The following SYF2 variants were observed in gnomAD, a reference collection of about 807,000 sequenced individuals.
SYF2 encodes pre-mRNA-splicing factor SYF2.
A neutral mutation model predicts 32.7 loss-of-function variants in SYF2; 21 were observed. The ratio of observed to expected loss-of-function variants is 0.64; its 90% CI spans 0.45 to 0.92. The LOEUF (loss-of-function observed/expected upper bound fraction) is 0.92, where lower values mean the gene tolerates loss of function less well. Ranked by LOEUF, SYF2 falls within the 40% of genes least tolerant of loss-of-function variation. The pLI is 0.00. For missense variants in SYF2, 278 were observed against 296.5 expected (o/e 0.94, Z 0.46); for synonymous variants, 114 against 103.9 (o/e 1.10, Z -0.59).
intron 3 of SYF2, 75 bp from the exon 4 acceptor site, chr1:25,228,310 A>G: frequency 8.3e-7 from 1 of 1,209,508 alleles, no homozygotes; most frequent in Admixed American, 2.0e-5. Flanking sequence ...ATCAAGAAAG[A>G]TCCAATAAAT....
chr1:25,222,323 T>C lies in SYF2; in HGVS notation c.*943A>G, dbSNP rs1638423830. ...AACATAGAGAAAAAATAACAACCTT[T>C]CCCTCTGGAGTTTTATAAAAATAAA... On this transcript the variant is annotated 3_prime_UTR_variant, in exon 7 of 7. Transcript: ENST00000236273. Among the ~76,000 whole-genome samples the C allele has an allele frequency of 6.6e-6, 1 of 152,138 alleles. No homozygotes were observed. Among genetic ancestry groups the C allele is most frequent in the Non-Finnish European group, 1.5e-5 (1 of 68,026 alleles).
intron 2 of SYF2, among the ~76,000 whole-genome samples, chr1:25,229,511 A>G (rs1274266644): frequency 1.3e-5 from 2 of 152,196 alleles, no homozygotes; most frequent in Non-Finnish European, 2.9e-5. Context: ...GCAGTGGATC[A>G]CGCTTGTAAT....
At chr1:25,227,051 G>A (rs760466306) in intron 5 of SYF2, among the ~76,000 whole-genome samples, 22 of 152,076 alleles carry the variant, frequency 1.4e-4, no homozygotes, top group Non-Finnish European at 7.4e-5. Context: ...GGGAGGCTGA[G>A]GTGGACGGAT....
In SYF2 at chr1:25,224,992, G is replaced by C. The variant is rs908149284; in HGVS notation, c.566+10C>G. ...ATTTACAACGTCAAGCTGCTCTACTGAATACTTACTGTTTTTCCAGATCTA... is the reference window on the plus strand; with the variant it reads ...ATTTACAACGTCAAGCTGCTCTACTCAATACTTACTGTTTTTCCAGATCTA... On this transcript the variant is annotated intron_variant, in intron 6 of 6. Transcript: ENST00000236273. The C allele has an allele frequency of 1.3e-6, 2 of 1,593,336 alleles. No individual in the cohort carries two copies. Among genetic ancestry groups the C allele is most frequent in the African/African-American group, 2.7e-5 (2 of 74,486 alleles).
chr1:25,231,803 G>T, intron 2 of SYF2: 1 of 466,896 alleles, frequency 2.1e-6, no homozygotes, highest in East Asian at 4.1e-5. Flanking sequence ...GTAAAATGAA[G>T]AATTTGTTGG....
chr1:25,224,976 G>A lies in SYF2; in HGVS notation c.566+26C>T, dbSNP rs143169706. 4.2e-5 allele frequency: 63 copies of A among 1,511,840 alleles called. No homozygotes were observed. In the East Asian group the frequency reaches 1.1e-3, roughly 28 times the overall value. 93.7% of individuals were successfully genotyped at this position (1,511,840 alleles called of 1,614,324 possible). A position where few individuals can be genotyped will look rare whatever the true frequency, so the allele number is the denominator to read the frequency against. ...CATTTTGTCATGAAGTATTTACAACGTCAAGCTGCTCTACTGAATACTTAC... is the reference window on the plus strand; with the variant it reads ...CATTTTGTCATGAAGTATTTACAACATCAAGCTGCTCTACTGAATACTTAC... On this transcript the variant is annotated intron_variant, in intron 6 of 6. Coordinates refer to ENST00000236273, the MANE Select transcript of SYF2 (RefSeq NM_015484.5).
chr1:25,224,743 A>AT (rs373480728), intron 6 of SYF2, among the ~76,000 whole-genome samples: 5 of 152,082 alleles, frequency 3.3e-5, no homozygotes, highest in South Asian at 2.1e-4. Context: ...AAGAAGGATC[A>AT]TTTTTTTTAG....
intron 2 of SYF2, chr1:25,231,767 G>C (rs1397556085): frequency 2.9e-6 from 1 of 344,602 alleles, no homozygotes; most frequent in African/African-American, 2.1e-5. Flanking sequence ...GTTTCTTCCT[G>C]TCTCTAGCTC....
In SYF2 at chr1:25,227,457, C is replaced by A. The variant is rs2124511382; in HGVS notation, c.452G>T (p.Arg151Ile). ...AAGGACTTACTGTTTTTCTCTCAGT[C>A]TCTCATATGTTTCCATGTCAGGTTT... ...QIKPDMETYERLREKHGEEFF... is the reference protein window; with the variant it reads ...QIKPDMETYEILREKHGEEFF... The change falls in exon 5 of 7, where the codon AGA becomes ATA. Residue 151 changes from arginine to isoleucine, a missense_variant. Physicochemically the swap from Arg to Ile is moderately conservative, Grantham distance 97. Transcript: ENST00000236273. The A allele has an allele frequency of 6.2e-7, 1 of 1,613,512 alleles. No homozygotes were observed.
Position 25,232,472 on chromosome 1 carries a change from A to T in SYF2, c.-5T>A. On this transcript the variant is annotated 5_prime_UTR_variant, in exon 1 of 7. It adds an upstream start codon to the 5' untranslated region. Coordinates refer to ENST00000236273, the MANE Select transcript of SYF2 (RefSeq NM_015484.5). ...GGATGCAGCTATAGCCGCCATCACA[A>T]CCTTTCTCTCTTCCCACTTCCGGCA... The T allele has an allele frequency of 6.2e-7, 1 of 1,614,012 alleles. No individual in the cohort carries two copies. Among genetic ancestry groups the T allele is most frequent in the South Asian group, 1.1e-5 (1 of 91,078 alleles).
rs1571486031 is a variant in SYF2 at position 25,223,076 on chromosome 1, A to C, written c.*190T>G. 2 of 477,628 alleles carry C rather than the reference A, an allele frequency of 4.2e-6. No individual in the cohort carries two copies. Among genetic ancestry groups the C allele is most frequent in the East Asian group, 6.5e-5 (2 of 30,968 alleles). 29.6% of individuals were successfully genotyped at this position (477,628 alleles called of 1,614,324 possible). On this transcript the variant is annotated 3_prime_UTR_variant, in exon 7 of 7. Coordinates refer to ENST00000236273, the MANE Select transcript of SYF2 (RefSeq NM_015484.5). ...CTACAAGAAATACATCTTATATCCAAGCACAAAAATGTGGAAATATACATG... is the reference window on the plus strand; with the variant it reads ...CTACAAGAAATACATCTTATATCCACGCACAAAAATGTGGAAATATACATG...
chr1:25,225,405 G>A (rs1638488640), intron 5 of SYF2, among the ~76,000 whole-genome samples: 1 of 151,970 alleles, frequency 6.6e-6, no homozygotes, highest in Non-Finnish European at 1.5e-5. Flanking sequence ...ACACACACCT[G>A]TAGTCCCAGC....
At chr1:25,229,264 A>T (rs1244018353) in intron 2 of SYF2, 141 bp from the exon 3 acceptor site, 1 of 1,038,284 alleles carries the variant, frequency 9.6e-7, no homozygotes, top group Non-Finnish European at 1.4e-6. Flanking sequence ...GAGCCATCAC[A>T]GGATTTTAAG....
intron 2 of SYF2, chr1:25,230,435 T>C (rs2124513533): frequency 6.6e-6 from 1 of 152,308 alleles, no homozygotes; most frequent in East Asian, 1.9e-4. Context: ...TGGCAGTTTG[T>C]CCAGGAAGCC....
chr1:25,223,640 C>T (rs1289169373), intron 6 of SYF2, among the ~76,000 whole-genome samples: 2 of 152,134 alleles, frequency 1.3e-5, no homozygotes, highest in South Asian at 4.1e-4. Context: ...AATACAAATT[C>T]ATCTTCAGAA....
rs184704540 is a variant in SYF2 at position 25,229,907 on chromosome 1, C to T, written c.133-784G>A. Among the ~76,000 whole-genome samples the T allele has an allele frequency of 1.8e-3, 276 of 151,954 alleles. 2 individuals carry two copies. The highest frequency in any genetic ancestry group is 5.1e-3 in the African/African-American group (212 of 41,446). On this transcript the variant is annotated intron_variant, in intron 2 of 6. Coordinates refer to ENST00000236273, the MANE Select transcript of SYF2 (RefSeq NM_015484.5). ...TCTCAGCTCATTTCAACTTTCGCCT[C>T]TGGGGTTCAAACAATTCTCATGCCT...
Position 25,223,367 on chromosome 1 carries a change from T to C in SYF2, c.631A>G (p.Ile211Val). 1 of 1,614,044 alleles carries C rather than the reference T, an allele frequency of 6.2e-7. No homozygotes were observed. Among genetic ancestry groups the C allele is most frequent in the African/African-American group, 1.3e-5 (1 of 75,046 alleles). The change falls in exon 7 of 7, where the codon ATT becomes GTT. Residue 211 changes from isoleucine to valine, a missense_variant. By Grantham distance (29) the Ile-to-Val change is conservative. Transcript: ENST00000236273. ...TTGAATTTGGCATTCCTTTCATTAATGTAGTCGATATCTGCATCATCATTA... is the reference window on the plus strand; with the variant it reads ...TTGAATTTGGCATTCCTTTCATTAACGTAGTCGATATCTGCATCATCATTA... The part of the protein sequence containing the change: ...PYNDDADIDY[I>V]NERNAKFNKK...
At chr1:25,226,192 T>C (rs1308479077) in intron 5 of SYF2, among the ~76,000 whole-genome samples, 1 of 151,970 alleles carries the variant, frequency 6.6e-6, no homozygotes, top group African/African-American at 2.4e-5. Flanking sequence ...AATTACAGAA[T>C]TGAAAGGAAC....
intron 1 of SYF2, 82 bp downstream of exon 1, chr1:25,232,362 A>G: frequency 6.2e-7 from 1 of 1,609,650 alleles, no homozygotes; most frequent in Non-Finnish European, 8.5e-7. Flanking sequence ...AAGCGAAACT[A>G]GACTTCGCCT....
Sources: allele counts gnomAD v4.1 joint callset (sites outside exome capture counted in the v4.1 genomes callset), GRCh38; gene constraint gnomAD v4.1.1; transcripts MANE v1.5; gene names NCBI Gene and HGNC (gene_info 2026-07-23, HGNC 2026-07-21).